The following RBFOX1 variants were observed in gnomAD, a reference collection of about 807,000 sequenced individuals.
RBFOX1 encodes RNA binding protein fox-1 homolog 1.
A neutral mutation model predicts 57.7 loss-of-function variants in RBFOX1; 8 were observed. The observed-to-expected ratio is 0.14, with a 90% CI of 0.08 to 0.25. The LOEUF is 0.25. Ranked by LOEUF, RBFOX1 falls within the 10% of genes least tolerant of loss-of-function variation. The probability of loss-of-function intolerance (pLI) is 1.00; values close to 1 mark genes in which losing one functional copy is unlikely to be tolerated. For synonymous variants in RBFOX1, 326 were observed against 222.4 expected, an observed-to-expected ratio of 1.47 and a Z score of -4.15; for missense variants, 611 against 548.5, an observed-to-expected ratio of 1.11 and a Z score of -1.14.
chr16:6,711,714 G>C (rs2063748377), intron 3 of RBFOX1, among the ~76,000 whole-genome samples: 1 of 152,118 alleles, frequency 6.6e-6, no homozygotes, highest in Admixed American at 6.6e-5. Context: ...CTCTGTAGCA[G>C]TATGAGAATG....
At chr16:5,483,459 G>T (rs929554270) in intron 2 of RBFOX1, among the ~76,000 whole-genome samples, 4 of 152,150 alleles carry the variant, frequency 2.6e-5, no homozygotes, top group African/African-American at 9.7e-5. Context: ...TGTTGCCTTG[G>T]AATTCTAAAG....
At chr16:5,753,741 A>G (rs970200498) in intron 3 of RBFOX1, among the ~76,000 whole-genome samples, 3 of 152,202 alleles carry the variant, frequency 2.0e-5, no homozygotes, top group East Asian at 3.8e-4. Context: ...AGCGTTTACC[A>G]GCACAGCACT....
chr16:6,142,470 C>T (rs936149972), intron 1 of RBFOX1, among the ~76,000 whole-genome samples: 5 of 152,038 alleles, frequency 3.3e-5, no homozygotes, highest in Non-Finnish European at 1.5e-5. Flanking sequence ...ATTCGCCCGC[C>T]TCGGCCTCCC....
intron 2 of RBFOX1, among the ~76,000 whole-genome samples, chr16:5,469,647 C>A (rs2151617025): frequency 6.6e-6 from 1 of 152,240 alleles, no homozygotes; most frequent in Admixed American, 6.5e-5. Context: ...ACCCTGCGAC[C>A]ATTAAGCAGT....
intron 3 of RBFOX1, among the ~76,000 whole-genome samples, chr16:5,828,170 C>G (rs1006637001): frequency 4.6e-5 from 7 of 151,976 alleles, no homozygotes; most frequent in Non-Finnish European, 8.8e-5. Context: ...ATCCCTGCAT[C>G]CAATCCATCC....
chr16:6,977,285 A>G (rs539853552), intron 3 of RBFOX1, among the ~76,000 whole-genome samples: 3 of 151,666 alleles, frequency 2.0e-5, no homozygotes, highest in East Asian at 3.9e-4. Flanking sequence ...TTTGTGATAA[A>G]GGATTAATTT....
intron 1 of RBFOX1, among the ~76,000 whole-genome samples, chr16:6,217,793 T>C (rs2097345605): frequency 6.6e-6 from 1 of 152,128 alleles, no homozygotes; most frequent in Admixed American, 6.6e-5. Flanking sequence ...GGCGGGTGGA[T>C]CACTTGAGAC....
At chr16:6,801,585 G>A (rs1029729720) in intron 3 of RBFOX1, among the ~76,000 whole-genome samples, 7 of 152,034 alleles carry the variant, frequency 4.6e-5, no homozygotes, top group African/African-American at 1.7e-4. Flanking sequence ...TTGGGGTGGA[G>A]GTTGGGGAGA....
At chr16:6,677,623 C>A (rs906103637) in intron 3 of RBFOX1, among the ~76,000 whole-genome samples, 1 of 152,156 alleles carries the variant, frequency 6.6e-6, no homozygotes, top group Non-Finnish European at 1.5e-5. Flanking sequence ...GATAAAATCT[C>A]ATTAAAAGTA....
chr16:5,987,439 G>T (rs183993430), intron 4 of RBFOX1, among the ~76,000 whole-genome samples: 3 of 152,158 alleles, frequency 2.0e-5, no homozygotes, highest in African/African-American at 7.2e-5. Context: ...TGGCCTGAAA[G>T]CTCTTTGCCT....
intron 2 of RBFOX1, among the ~76,000 whole-genome samples, chr16:6,542,483 C>CTTTTTGTTTTTTTTTT (rs2096835148): frequency 1.8e-5 from 1 of 55,718 alleles, no homozygotes; most frequent in Non-Finnish European, 3.0e-5. Context: ...GGACCATAGT[C>CTTTTTGTTTTTTTTTT]TTTTTTTTTT....
chr16:6,566,285 C>T (rs1026843475), intron 2 of RBFOX1, among the ~76,000 whole-genome samples: 5 of 152,206 alleles, frequency 3.3e-5, no homozygotes, highest in South Asian at 2.1e-4. Context: ...AGCATCATGG[C>T]GAACAGCTAT....
At chr16:7,054,891 G>T (rs988663755) in intron 4 of RBFOX1, among the ~76,000 whole-genome samples, 4 of 152,152 alleles carry the variant, frequency 2.6e-5, no homozygotes, top group Non-Finnish European at 5.9e-5. Flanking sequence ...CTTTTCCTTG[G>T]CCTCCTGGAA....
intron 3 of RBFOX1, among the ~76,000 whole-genome samples, chr16:5,760,089 T>C (rs1326497986): frequency 6.6e-6 from 1 of 152,114 alleles, no homozygotes; most frequent in Non-Finnish European, 1.5e-5. Flanking sequence ...AATTTTTGCT[T>C]ACCTAATATT....
At chr16:6,891,480 AGAGAG>A (rs1263603085) in intron 3 of RBFOX1, among the ~76,000 whole-genome samples, 1 of 150,980 alleles carries the variant, frequency 6.6e-6, no homozygotes, top group African/African-American at 2.4e-5. Context: ...AGAGAGAGAG[AGAGAG>A]GAGAGGAGAG....
chr16:6,984,921 A>G (rs1233399148), intron 3 of RBFOX1, among the ~76,000 whole-genome samples: 3 of 152,060 alleles, frequency 2.0e-5, no homozygotes, highest in Non-Finnish European at 2.9e-5. Context: ...GATTACAGGT[A>G]TGAGACATTG....
At chr16:6,448,996 C>G (rs1027172481) in intron 2 of RBFOX1, among the ~76,000 whole-genome samples, 1 of 152,066 alleles carries the variant, frequency 6.6e-6, no homozygotes, top group Non-Finnish European at 1.5e-5. Context: ...TTTATATAAA[C>G]CTACATTGAA....
chr16:7,188,935 G>C (rs1430811619), intron 4 of RBFOX1, among the ~76,000 whole-genome samples: 2 of 152,144 alleles, frequency 1.3e-5, no homozygotes, highest in Non-Finnish European at 2.9e-5. Flanking sequence ...ACACCATGAA[G>C]ACTATAATTG....
At chr16:6,504,857 T>C (rs757959964) in intron 2 of RBFOX1, among the ~76,000 whole-genome samples, 12 of 151,838 alleles carry the variant, frequency 7.9e-5, no homozygotes, top group Non-Finnish European at 1.2e-4. Context: ...AGTTCAAGAC[T>C]AGCCTGCCCA....
Sources: gnomAD v4.1 joint callset for allele counts (sites outside exome capture counted in the v4.1 genomes callset) on GRCh38, gnomAD v4.1.1 for gene constraint, MANE v1.5 for transcripts, NCBI Gene and HGNC (gene_info 2026-07-23, HGNC 2026-07-21) for gene names.